Variants in ANKRD30A observed in about 807,000 individuals in gnomAD.
ANKRD30A encodes ankyrin repeat domain 30A.
Under a neutral mutation model 166.3 loss-of-function variants are expected in ANKRD30A, and 170 were observed. That is an observed-to-expected ratio of 1.02 (90% CI 0.90 to 1.16). The LOEUF (loss-of-function observed/expected upper bound fraction) is 1.16. Ranked by LOEUF, ANKRD30A falls within the 50% of genes most tolerant of loss-of-function variation. The probability of loss-of-function intolerance (pLI) is 0.00; values close to 1 mark genes in which losing one functional copy is unlikely to be tolerated. For synonymous variants in ANKRD30A, 564 were observed against 508.9 expected (o/e 1.11, Z -1.46); for missense variants, 1,630 against 1,518.0 (o/e 1.07, Z -1.23).
At chr10:37,200,855 T>C (rs1841567367) in intron 30 of ANKRD30A, among the ~76,000 whole-genome samples, 1 of 152,106 alleles carries the variant, frequency 6.6e-6, no homozygotes, top group Admixed American at 6.6e-5. Context: ...TAATGCAGTA[T>C]CTGTTATGGC....
chr10:37,219,775 C>G lies in ANKRD30A; in HGVS notation c.4063C>G (p.His1355Asp), dbSNP rs764196454. ...DNKSKITIDI[H>D]FLERKMQHHL... ...CAAAAGCAAGATAACAATTGATATT[C>G]ATTTTCTTGAGAGGAAAATGCAACA... The change falls in exon 34 of 36, where the codon CAT becomes GAT. Residue 1355 changes from histidine to aspartate, a missense_variant. His to Asp is a moderately conservative substitution (Grantham distance 81, BLOSUM62 -1). Around this residue, in one of 4 missense-constraint regions of ANKRD30A, gnomAD observed 712 missense variants for 629.3 expected, o/e 1.13. Coordinates refer to ENST00000361713, the MANE Select transcript of ANKRD30A (RefSeq NM_052997.3). 5 of 1,607,692 alleles carry G rather than the reference C, an allele frequency of 3.1e-6. No individual in the cohort carries two copies. Among genetic ancestry groups the G allele is most frequent in the Non-Finnish European group, 4.3e-6 (5 of 1,176,212 alleles).
At position 37,216,101 on chromosome 10, in the gene ANKRD30A, A is replaced by G. The variant is rs528264503; in HGVS notation, c.2870-80A>G. The G allele has an allele frequency of 6.8e-5, 68 of 1,004,758 alleles. No homozygotes were observed. In the South Asian group the frequency reaches 1.0e-3, roughly 15 times the overall value. 62.2% of individuals were successfully genotyped at this position (1,004,758 alleles called of 1,614,324 possible). ...CAATCAATATATATTTGTTCAGTGT[A>G]TAAGTGATTGTTAAAATATGCAGCC... On this transcript the variant is annotated intron_variant, in intron 31 of 35. Transcript: ENST00000361713.
chr10:37,158,290 A>G (rs1400834825), intron 13 of ANKRD30A, 102 bp from the exon 14 acceptor site: 3 of 1,479,718 alleles, frequency 2.0e-6, no homozygotes, highest in East Asian at 2.3e-5. Context: ...CCGTTTTGCA[A>G]TCCAAGCATG....
At chr10:37,157,336 T>C (rs1242199881) in intron 13 of ANKRD30A, among the ~76,000 whole-genome samples, 1 of 152,220 alleles carries the variant, frequency 6.6e-6, no homozygotes, top group East Asian at 1.9e-4. Flanking sequence ...GTGAATGATA[T>C]GTAAAAAGTC....
intron 15 of ANKRD30A, among the ~76,000 whole-genome samples, chr10:37,160,167 T>C (rs1465588645): frequency 6.6e-6 from 1 of 152,214 alleles, no homozygotes; most frequent in Non-Finnish European, 1.5e-5. Context: ...AGACCGTCTT[T>C]TCTAGCCACT....
At position 37,147,404 on chromosome 10, in the gene ANKRD30A, G is replaced by A. The variant is rs758135402; in HGVS notation, c.1490G>A (p.Cys497Tyr). ...LFESSAKIQV[C>Y]IPESIYQKVM... is the part of the protein sequence containing the mutation. ...GAGAGTTCTGCAAAGATTCAAGTGTGTATACCTGAGTCTATATATCAAAAA... is the reference window on the plus strand; with the variant it reads ...GAGAGTTCTGCAAAGATTCAAGTGTATATACCTGAGTCTATATATCAAAAA... The change falls in exon 9 of 36, where the codon TGT becomes TAT. Residue 497 changes from cysteine to tyrosine, a missense_variant. This residue lies in a region of ANKRD30A where 904 missense variants were observed against 818.5 expected (regional missense o/e 1.10). Coordinates refer to ENST00000361713, the MANE Select transcript of ANKRD30A (RefSeq NM_052997.3). 5.0e-6 allele frequency: 8 copies of A among 1,598,276 alleles called. No homozygotes were observed. The highest frequency in any genetic ancestry group is 6.8e-6 in the Non-Finnish European group (8 of 1,172,604).
intron 15 of ANKRD30A, among the ~76,000 whole-genome samples, chr10:37,160,976 G>C (rs1442919539): frequency 1.3e-5 from 2 of 152,264 alleles, no homozygotes; most frequent in East Asian, 3.9e-4. Context: ...AATGGTGACT[G>C]GGTGCGGTGG....
intron 29 of ANKRD30A, among the ~76,000 whole-genome samples, chr10:37,198,562 A>T (rs1462031835): frequency 2.0e-5 from 3 of 152,106 alleles, no homozygotes; most frequent in Non-Finnish European, 4.4e-5. Flanking sequence ...CATTCCACCA[A>T]GAATTTGAAC....
In ANKRD30A at chr10:37,231,523, C is replaced by A; in HGVS notation, c.*54C>A. On this transcript the variant is annotated 3_prime_UTR_variant, in exon 35 of 36. Transcript: ENST00000361713. ...AGAAACAACAGACCAGATCTTTACT[C>A]ACAACTCATGCTAGGAGGCCAGTCC... The A allele has an allele frequency of 2.7e-6, 4 of 1,503,056 alleles. No homozygotes were observed. In the South Asian group the frequency reaches 5.2e-5, roughly 19 times the overall value. 93.1% of individuals were successfully genotyped at this position (1,503,056 alleles called of 1,614,324 possible). A position where few individuals can be genotyped will look rare whatever the true frequency, so the allele number is the denominator to read the frequency against.
chr10:37,265,402 A>T, the ANKRD30A span, among the ~76,000 whole-genome samples: 7 of 152,118 alleles, frequency 4.6e-5, no homozygotes, highest in Admixed American at 2.0e-4. Context: ...CTTAGACCCC[A>T]AAAACAGGCT....
intron 6 of ANKRD30A, 152 bp from the exon 7 acceptor site, chr10:37,141,566 C>CT: frequency 8.7e-6 from 9 of 1,036,438 alleles, no homozygotes; most frequent in Non-Finnish European, 1.2e-5. Context: ...GAGTGAGACT[C>CT]TGTCTCAAAA....
chr10:37,203,122 C>T (rs1841756753), intron 31 of ANKRD30A, among the ~76,000 whole-genome samples: 2 of 152,128 alleles, frequency 1.3e-5, no homozygotes, highest in South Asian at 4.1e-4. Context: ...GGAATCCTCC[C>T]TAACTCATTT....
the ANKRD30A span, among the ~76,000 whole-genome samples, chr10:37,258,807 C>CA: frequency 5.3e-5 from 8 of 150,964 alleles, no homozygotes; most frequent in Admixed American, 5.3e-4. Context: ...ACTAAAAATA[C>CA]AAAAAATTAG....
At chr10:37,214,992 T>C (rs1240342575) in intron 31 of ANKRD30A, among the ~76,000 whole-genome samples, 1 of 151,542 alleles carries the variant, frequency 6.6e-6, no homozygotes, top group Non-Finnish European at 1.5e-5. Flanking sequence ...TGATGGCAAA[T>C]CAATCTATGC....
Position 37,132,228 on chromosome 10 carries a change from G to T in ANKRD30A, c.511-12G>T, listed in dbSNP as rs375525524. 7 of 1,530,752 alleles carry T rather than the reference G, an allele frequency of 4.6e-6. No homozygotes were observed. The highest frequency in any genetic ancestry group is 6.2e-6 in the Non-Finnish European group (7 of 1,130,298). 94.8% of individuals were successfully genotyped at this position (1,530,752 alleles called of 1,614,324 possible). A position where few individuals can be genotyped will look rare whatever the true frequency, so the allele number is the denominator to read the frequency against. On this transcript the variant is annotated splice_polypyrimidine_tract_variant and intron_variant, in intron 3 of 35. Transcript: ENST00000361713. Reference sequence around the variant, plus strand: ...AATTTCATGAATTATAAATTGTTTTGCTATTTTACAGGCTAGCCTCACACC... The same window carrying T: ...AATTTCATGAATTATAAATTGTTTTTCTATTTTACAGGCTAGCCTCACACC...
chr10:37,178,229 A>G (rs529389623), intron 24 of ANKRD30A, among the ~76,000 whole-genome samples: 2 of 151,386 alleles, frequency 1.3e-5, no homozygotes, highest in African/African-American at 2.4e-5. Context: ...CTGACTCTTA[A>G]TGTCTTTCTC....
downstream of ANKRD30A, among the ~76,000 whole-genome samples, chr10:37,236,955 T>G (rs1453014678): frequency 6.6e-6 from 1 of 152,230 alleles, no homozygotes; most frequent in African/African-American, 2.4e-5. Flanking sequence ...ACAAATAGAT[T>G]ATATTGACTA....
intron 35 of ANKRD30A, 28 bp from the exon 36 acceptor site, chr10:37,232,471 C>T (rs1843455625): frequency 6.6e-6 from 1 of 150,520 alleles, no homozygotes; most frequent in South Asian, 2.1e-4. Flanking sequence ...TACAACCACA[C>T]ATAAGCCATT....
chr10:37,253,372 A>G, the ANKRD30A span, among the ~76,000 whole-genome samples: 3 of 152,352 alleles, frequency 2.0e-5, no homozygotes, highest in East Asian at 5.8e-4. Flanking sequence ...CAATTTATTT[A>G]AAGTGTACAA....
Sources: allele counts gnomAD v4.1 joint callset (sites outside exome capture counted in the v4.1 genomes callset), GRCh38; gene constraint gnomAD v4.1.1; regional missense constraint gnomAD v4.1.1; transcripts MANE v1.5; gene names NCBI Gene and HGNC (gene_info 2026-07-23, HGNC 2026-07-21).